Variants in DHDDS observed in about 807,000 individuals in gnomAD.
DHDDS encodes dehydrodolichyl diphosphate synthase complex subunit DHDDS.
In DHDDS, 16 loss-of-function variants were observed where a neutral mutation model predicts 46.2. That is an observed-to-expected ratio of 0.35 (90% CI 0.23 to 0.53). DHDDS has a LOEUF of 0.53. Among genes scored for constraint, DHDDS ranks in the 20% least tolerant of loss-of-function variants. DHDDS has a pLI of 0.94. For missense variants in DHDDS, 340 were observed against 423.7 expected (o/e 0.80, Z 1.73); for synonymous variants, 151 against 163.1 (o/e 0.93, Z 0.56).
chr1:26,466,716 C>T (rs941642620), intron 8 of DHDDS, among the ~76,000 whole-genome samples: 1 of 152,218 alleles, frequency 6.6e-6, no homozygotes, highest in Non-Finnish European at 1.5e-5. Flanking sequence ...TGTTGCTGAG[C>T]GTCCCCCATC....
At position 26,438,188 on chromosome 1, in the gene DHDDS, C is replaced by G. The variant is rs753675432; in HGVS notation, c.84C>G (p.His28Gln). ...NIIKAGPMPK[H>Q]IAFIMDGNRR... is the part of the protein sequence containing the mutation. ...CACAGGCAGGCCCAATGCCGAAACA[C>G]ATTGCATTCATAATGGACGGGAACC... The change falls in exon 3 of 9, where the codon CAC becomes CAG. Residue 28 changes from histidine to glutamine, a missense_variant. Physicochemically the swap from His to Gln is conservative, Grantham distance 24. This residue lies in a region of DHDDS where 72 missense variants were observed against 123.5 expected (regional missense o/e 0.58). Coordinates refer to ENST00000236342, the MANE Select transcript of DHDDS (RefSeq NM_205861.3). 1 of 1,613,986 alleles carries G rather than the reference C, an allele frequency of 6.2e-7. No homozygotes were observed. The highest frequency in any genetic ancestry group is 8.5e-7 in the Non-Finnish European group (1 of 1,179,876).
At chr1:26,440,566 A>T (rs1444425163) in intron 3 of DHDDS, among the ~76,000 whole-genome samples, 2 of 152,236 alleles carry the variant, frequency 1.3e-5, no homozygotes, top group Non-Finnish European at 2.9e-5. Context: ...TAAAGGAAGT[A>T]CTCAAAAAAT....
intron 3 of DHDDS, 81 bp downstream of exon 3, chr1:26,438,365 T>C: frequency 1.5e-6 from 2 of 1,305,408 alleles, no homozygotes; most frequent in Non-Finnish European, 2.2e-6. Context: ...CTGAGTTTGC[T>C]GTGGTTGGAG....
intron 3 of DHDDS, 32 bp downstream of exon 3, chr1:26,438,316 A>T: frequency 6.3e-7 from 1 of 1,587,642 alleles, no homozygotes; most frequent in Non-Finnish European, 8.6e-7. Context: ...CAAAGTGAAC[A>T]GTCTGTGGAG....
At chr1:26,450,274 C>T (rs930510363) in intron 6 of DHDDS, among the ~76,000 whole-genome samples, 1 of 152,122 alleles carries the variant, frequency 6.6e-6, no homozygotes, top group African/African-American at 2.4e-5. Context: ...TCTCAAGTAC[C>T]CAGTACTACA....
chr1:26,441,635 C>A (rs925039388), intron 3 of DHDDS, among the ~76,000 whole-genome samples: 1 of 152,112 alleles, frequency 6.6e-6, no homozygotes, highest in African/African-American at 2.4e-5. Flanking sequence ...GTAGCTCATG[C>A]CTGTAATCCC....
At chr1:26,461,153 C>T (rs777080543) in intron 8 of DHDDS, among the ~76,000 whole-genome samples, 33 of 152,076 alleles carry the variant, frequency 2.2e-4, no homozygotes, top group Non-Finnish European at 4.3e-4. Flanking sequence ...GGATTACAGG[C>T]GTGAAGAGCC....
chr1:26,449,084 ATTTATTTTTATTTT>A (rs2075295548), intron 6 of DHDDS, among the ~76,000 whole-genome samples: 2 of 151,638 alleles, frequency 1.3e-5, no homozygotes, highest in Admixed American at 1.3e-4. Flanking sequence ...ATTTTTATTT[ATTTATTTTTATTTT>A]TTATTTTATT....
chr1:26,463,647 C>T (rs940731964), intron 8 of DHDDS, among the ~76,000 whole-genome samples: 2 of 152,022 alleles, frequency 1.3e-5, no homozygotes, highest in Admixed American at 1.3e-4. Context: ...GCTGGGATTA[C>T]AGGCATGTGC....
chr1:26,445,224 T>A (rs938694446), intron 4 of DHDDS, among the ~76,000 whole-genome samples: 1 of 152,204 alleles, frequency 6.6e-6, no homozygotes, highest in Non-Finnish European at 1.5e-5. Flanking sequence ...TAGACCAATA[T>A]CTGGCATTTA....
intron 6 of DHDDS, 52 bp from the exon 7 acceptor site, chr1:26,457,739 A>C: frequency 2.2e-6 from 3 of 1,390,272 alleles, no homozygotes; most frequent in Non-Finnish European, 3.1e-6. Context: ...CACTACAGAA[A>C]GAGAATACTA....
At chr1:26,445,756 G>A (rs1292482913) in intron 4 of DHDDS, among the ~76,000 whole-genome samples, 1 of 150,998 alleles carries the variant, frequency 6.6e-6, no homozygotes, top group Non-Finnish European at 1.5e-5. Context: ...GAGCGCAGTG[G>A]CTCATGCCTG....
rs2075527649 is a variant in DHDDS at position 26,469,227 on chromosome 1, T to C, written c.*96T>C. The C allele has an allele frequency of 1.3e-6, 2 of 1,597,870 alleles. No individual in the cohort carries two copies. Among genetic ancestry groups the C allele is most frequent in the East Asian group, 4.5e-5 (2 of 44,826 alleles). ...TGAAAGGCACCTCCTTTCCTGATAA[T>C]GAATGGTGTTCCCTTTGCTTGGCTG... is the stretch of plus-strand genomic sequence containing the variant. On this transcript the variant is annotated 3_prime_UTR_variant, in exon 9 of 9. Coordinates refer to ENST00000236342, the MANE Select transcript of DHDDS (RefSeq NM_205861.3).
Position 26,446,379 on chromosome 1 carries a change from G to C in DHDDS, c.387G>C (p.Leu129Phe), listed in dbSNP as rs372256981. The change falls in exon 5 of 9, where the codon TTG becomes TTC. Residue 129 changes from leucine (L) to phenylalanine (F), a missense_variant. By Grantham distance (22) the Leu-to-Phe change is conservative. Around this residue, in one of 2 missense-constraint regions of DHDDS, gnomAD observed 268 missense variants for 300.3 expected, o/e 0.89. Coordinates refer to ENST00000236342, the MANE Select transcript of DHDDS (RefSeq NM_205861.3). ...RVLGDLHLLP[L>F]DLQELIAQAV... ...TGGGCGATCTGCACTTGTTGCCCTTGGATCTCCAGGAGCTGATTGCACAAG... is the reference window on the plus strand; with the variant it reads ...TGGGCGATCTGCACTTGTTGCCCTTCGATCTCCAGGAGCTGATTGCACAAG... The C allele has an allele frequency of 1.9e-5, 31 of 1,613,920 alleles. No individual in the cohort carries two copies. In the African/African-American group the frequency reaches 3.9e-4, roughly 20 times the overall value.
At chr1:26,454,875 T>C in intron 6 of DHDDS, 5 of 1,593,268 alleles carry the variant, frequency 3.1e-6, no homozygotes, top group Non-Finnish European at 4.3e-6. Context: ...TTTAAACCCT[T>C]AAGTTCAGCA....
chr1:26,435,112 C>G (rs960332099), intron 2 of DHDDS, among the ~76,000 whole-genome samples: 1 of 151,452 alleles, frequency 6.6e-6, no homozygotes, highest in African/African-American at 2.4e-5. Flanking sequence ...CCGGTTCAAA[C>G]AATTCTCCTG....
chr1:26,469,275 G>C lies in DHDDS; in HGVS notation c.*144G>C. ...CTGGGGAGCCCCCCAGGCCAGGTTT[G>C]CTGGCCATAGATACCTTTGGGCTGC... is the stretch of plus-strand genomic sequence containing the variant. On this transcript the variant is annotated 3_prime_UTR_variant, in exon 9 of 9. Coordinates refer to ENST00000236342, the MANE Select transcript of DHDDS (RefSeq NM_205861.3). 1.3e-6 allele frequency: 2 copies of C among 1,489,944 alleles called. No homozygotes were observed. 92.3% of individuals were successfully genotyped at this position (1,489,944 alleles called of 1,614,324 possible).
At chr1:26,455,211 T>G (rs1030062657) in intron 6 of DHDDS, 4 of 714,754 alleles carry the variant, frequency 5.6e-6, no homozygotes, top group Non-Finnish European at 1.0e-5. Flanking sequence ...CTCAGGCCGC[T>G]TAGGGAAAGA....
chr1:26,467,207 G>A, intron 8 of DHDDS: 1 of 412,466 alleles, frequency 2.4e-6, no homozygotes, highest in Non-Finnish European at 5.2e-6. Flanking sequence ...CTGTGTGCAT[G>A]GCTGTACAAT....
Sources: gnomAD v4.1 joint callset for allele counts (sites outside exome capture counted in the v4.1 genomes callset) on GRCh38, gnomAD v4.1.1 for gene constraint, gnomAD v4.1.1 regional missense constraint, MANE v1.5 for transcripts, NCBI Gene and HGNC (gene_info 2026-07-23, HGNC 2026-07-21) for gene names.